KLRD1: variants seen among roughly 807,000 people sequenced by gnomAD.
KLRD1 encodes killer cell lectin like receptor D1, also known as natural killer cells antigen CD94.
Under a neutral mutation model 22.6 loss-of-function variants are expected in KLRD1, and 21 were observed. The ratio of observed to expected loss-of-function variants is 0.93; its 90% CI spans 0.66 to 1.34. The LOEUF (loss-of-function observed/expected upper bound fraction) is 1.34, where lower values mean the gene tolerates loss of function less well. KLRD1 is among the 40% of genes most tolerant of loss of function. The pLI, the probability that KLRD1 is intolerant of heterozygous loss-of-function variation, is 0.00. For missense variants in KLRD1, 183 were observed against 208.6 expected (o/e 0.88, Z 0.76); for synonymous variants, 59 against 71.1 (o/e 0.83, Z 0.85).
chr12:10,265,756 CA>C (rs1238951764), intron 1 of KLRD1, among the ~76,000 whole-genome samples: 19 of 151,710 alleles, frequency 1.3e-4, no homozygotes, highest in African/African-American at 4.6e-4. Context: ...GAATCCCTCT[CA>C]AAAAAAAGAA....
chr12:10,276,667 T>C (rs1471602489), intron 1 of KLRD1, among the ~76,000 whole-genome samples: 2 of 149,536 alleles, frequency 1.3e-5, no homozygotes, highest in African/African-American at 5.0e-5. Flanking sequence ...TAGCTGGGAT[T>C]ACAGGCATGT....
At chr12:10,241,171 A>G (rs999728373) in intron 1 of KLRD1, among the ~76,000 whole-genome samples, 2 of 152,138 alleles carry the variant, frequency 1.3e-5, no homozygotes, top group African/African-American at 4.8e-5. Context: ...ATGACACAAA[A>G]CGTTGAAAGT....
chr12:10,299,182 G>GTT (rs35355894), intron 1 of KLRD1, among the ~76,000 whole-genome samples: 28 of 142,620 alleles, frequency 2.0e-4, no homozygotes, highest in African/African-American at 3.6e-4. Context: ...TCCATTCTGC[G>GTT]TTTTTTTTTT....
chr12:10,264,586 A>G (rs1333635123), intron 1 of KLRD1, among the ~76,000 whole-genome samples: 1 of 152,020 alleles, frequency 6.6e-6, no homozygotes, highest in Non-Finnish European at 1.5e-5. Flanking sequence ...AATTGTGTAT[A>G]TTTAGGGTGT....
rs2908450 is a variant in KLRD1 at position 10,279,504 on chromosome 12, G to C, written c.-100-28474G>C. On this transcript the variant is annotated intron_variant, in intron 1 of 5. Coordinates refer to the KLRD1 transcript ENST00000544747. ...TTCTAAGCAGAATGAGTTCAAGATT[G>C]TAAAGGATTCTGATTTATATAAATA... 7.9e-3 allele frequency among the ~76,000 whole-genome samples: 1,201 copies of C among 152,210 alleles called. 20 individuals carry two copies. The highest frequency in any genetic ancestry group is 0.028 in the African/African-American group (1,144 of 41,532).
intron 1 of KLRD1, among the ~76,000 whole-genome samples, chr12:10,293,408 G>C (rs117700118): frequency 1.3e-5 from 2 of 151,332 alleles, no homozygotes; most frequent in Non-Finnish European, 2.9e-5. Context: ...TTATTAACTG[G>C]CCTAATTTCA....
At position 10,324,530 on chromosome 12, in the gene KLRD1, G is replaced by C. The variant is rs1485400481; in HGVS notation, c.*9737G>C. Reference sequence around the variant, plus strand: ...TTCCATTGATTTGCTTAGGATAATGGCCTCTAGTTCTATCCATGTTCCTGC... The same window carrying C: ...TTCCATTGATTTGCTTAGGATAATGCCCTCTAGTTCTATCCATGTTCCTGC... On this transcript the variant is annotated 3_prime_UTR_variant, in exon 6 of 6. Coordinates refer to ENST00000336164, the MANE Select transcript of KLRD1 (RefSeq NM_002262.5). The C allele has an allele frequency of 6.6e-6, 1 of 151,562 alleles. No homozygotes were observed. Among genetic ancestry groups the C allele is most frequent in the Non-Finnish European group, 1.5e-5 (1 of 67,906 alleles). 9.4% of individuals were successfully genotyped at this position (151,562 alleles called of 1,614,324 possible). A position where few individuals can be genotyped will look rare whatever the true frequency, so the allele number is the denominator to read the frequency against.
At chr12:10,241,616 T>A (rs1949241637) in intron 1 of KLRD1, among the ~76,000 whole-genome samples, 1 of 152,242 alleles carries the variant, frequency 6.6e-6, no homozygotes, top group South Asian at 2.1e-4. Context: ...TAATTTATAA[T>A]TGCAAGTTTT....
chr12:10,297,270 T>C (rs1363251008), intron 1 of KLRD1, among the ~76,000 whole-genome samples: 1 of 152,210 alleles, frequency 6.6e-6, no homozygotes, highest in Non-Finnish European at 1.5e-5. Context: ...AAAATTATTA[T>C]ATTTGTATGC....
rs183896408 is a variant in KLRD1, at chr12:10,282,635, G to A, written c.-100-25343G>A. Among the ~76,000 whole-genome samples the A allele has an allele frequency of 8.5e-5, 13 of 152,242 alleles. No homozygotes were observed. In the East Asian group the frequency reaches 1.5e-3, roughly 18 times the overall value. On this transcript the variant is annotated intron_variant, in intron 1 of 5. Coordinates refer to the KLRD1 transcript ENST00000544747. ...ATGCCACTTTATATTTTGGCTTTAA[G>A]TTATTGGTCCTGTGACTGAACTTTG... is the stretch of plus-strand genomic sequence containing the variant.
intron 1 of KLRD1, among the ~76,000 whole-genome samples, chr12:10,258,732 A>T (rs1213415474): frequency 6.6e-6 from 1 of 152,238 alleles, no homozygotes; most frequent in South Asian, 2.1e-4. Flanking sequence ...TGTTTAATTC[A>T]TGTCTTCACT....
chr12:10,287,069 G>C (rs1455157277), intron 1 of KLRD1, among the ~76,000 whole-genome samples: 2 of 152,190 alleles, frequency 1.3e-5, no homozygotes, highest in African/African-American at 2.4e-5. Flanking sequence ...CCGGGAGGCA[G>C]AGGTTGCAGT....
At chr12:10,310,202 C>T (rs1226583297) in intron 3 of KLRD1, among the ~76,000 whole-genome samples, 1 of 152,194 alleles carries the variant, frequency 6.6e-6, no homozygotes, top group African/African-American at 2.4e-5. Context: ...ACATCAGCCT[C>T]CCTGGTTCAA....
Position 10,319,676 on chromosome 12 carries a change from C to A in KLRD1, c.*4883C>A, listed in dbSNP as rs1173818198. On this transcript the variant is annotated 3_prime_UTR_variant, in exon 6 of 6. Transcript: ENST00000336164. ...GCCAGCAAGGAACTGAAGTCTATTT[C>A]CAATAGCCATGCTATGAGCCTTCTT... The A allele has an allele frequency of 6.6e-6, 1 of 152,004 alleles. No individual in the cohort carries two copies. The highest frequency in any genetic ancestry group is 1.5e-5 in the Non-Finnish European group (1 of 68,048). The allele number at this position is 152,004 out of a possible 1,614,324, so 9.4% of individuals were successfully genotyped here.
In KLRD1 at chr12:10,327,633, A is replaced by T. The variant is rs1249902288; in HGVS notation, c.*12840A>T. The stretch of plus-strand genomic sequence containing the variant: ...GCCATAGGCAAACAGGGACCATTGT[A>T]CTTCTTCTTTTACAATCTGTATGTT... On this transcript the variant is annotated 3_prime_UTR_variant, in exon 6 of 6. Coordinates refer to ENST00000336164, the MANE Select transcript of KLRD1 (RefSeq NM_002262.5). 1 of 152,122 alleles carries T rather than the reference A, an allele frequency of 6.6e-6. No homozygotes were observed. Among genetic ancestry groups the T allele is most frequent in the Non-Finnish European group, 1.5e-5 (1 of 68,010 alleles). The allele number at this position is 152,122 out of a possible 1,614,324, so 9.4% of individuals were successfully genotyped here.
chr12:10,264,035 A>G (rs183012539), intron 1 of KLRD1, among the ~76,000 whole-genome samples: 14 of 152,270 alleles, frequency 9.2e-5, no homozygotes, highest in Admixed American at 7.8e-4. Flanking sequence ...TGAGAAACCA[A>G]ATAATCAAGC....
chr12:10,311,916 A>C (rs181455950), intron 4 of KLRD1, among the ~76,000 whole-genome samples: 1 of 152,202 alleles, frequency 6.6e-6, no homozygotes. Flanking sequence ...TGAAGAACCA[A>C]CTAAATGACT....
At chr12:10,284,897 C>T (rs1949685911) in intron 1 of KLRD1, among the ~76,000 whole-genome samples, 1 of 152,038 alleles carries the variant, frequency 6.6e-6, no homozygotes, top group Admixed American at 6.6e-5. Flanking sequence ...AGGAGAATTG[C>T]TTGAACCTGG....
intron 1 of KLRD1, among the ~76,000 whole-genome samples, chr12:10,262,802 G>A (rs925580698): frequency 2.6e-5 from 4 of 151,870 alleles, no homozygotes; most frequent in Non-Finnish European, 5.9e-5. Context: ...CACAATTTAT[G>A]CATTCATTGT....
Sources: gnomAD v4.1 joint callset for allele counts (sites outside exome capture counted in the v4.1 genomes callset) on GRCh38, gnomAD v4.1.1 for gene constraint, MANE v1.5 for transcripts, NCBI Gene and HGNC (gene_info 2026-07-23, HGNC 2026-07-21) for gene names.